ACACA: variants seen among roughly 807,000 people sequenced by gnomAD.
ACACA encodes the protein acetyl-CoA carboxylase alpha.
In ACACA, 103 loss-of-function variants were observed where a neutral mutation model predicts 296.1. The ratio of observed to expected loss-of-function variants is 0.35; its 90% CI spans 0.30 to 0.41. ACACA has a LOEUF of 0.41. Ranked by LOEUF, ACACA falls within the 10% of genes least tolerant of loss-of-function variation. The probability of loss-of-function intolerance (pLI) is 1.00; values close to 1 mark genes in which losing one functional copy is unlikely to be tolerated. For synonymous variants in ACACA, 953 were observed against 1,038.6 expected (o/e 0.92, Z 1.58); for missense variants, 1,554 against 2,989.7 (o/e 0.52, Z 11.20).
chr17:37,263,823 C>T lies in ACACA; in HGVS notation c.1191G>A (p.Val397=). The T allele has an allele frequency of 6.2e-7, 1 of 1,613,984 alleles. No homozygotes were observed. Among genetic ancestry groups the T allele is most frequent in the Non-Finnish European group, 8.5e-7 (1 of 1,179,986 alleles). ...TGCCATATTGGTCCGCTAAGATCTG[C>T]ACCTCCAGATGACGAGATTGTTTGG... ...RLAKQSRHLE[V]QILADQYGNA... The change falls in exon 11 of 56, where the codon GTG becomes GTA. Residue 397 remains valine, a synonymous_variant. Coordinates refer to ENST00000616317, the MANE Select transcript of ACACA (RefSeq NM_198834.3).
intron 35 of ACACA, among the ~76,000 whole-genome samples, chr17:37,194,674 CTGT>C (rs1351236452): frequency 6.6e-6 from 1 of 152,088 alleles, no homozygotes; most frequent in African/African-American, 2.4e-5. Flanking sequence ...TGCTGTAAAC[CTGT>C]GGTTCTTGAA....
chr17:37,337,280 G>A (rs2048163341), intron 2 of ACACA, among the ~76,000 whole-genome samples: 1 of 151,982 alleles, frequency 6.6e-6, no homozygotes, highest in Non-Finnish European at 1.5e-5. Context: ...GCTGCATGTG[G>A]TGGCATGCAC....
At chr17:37,152,146 G>T (rs976200044) in intron 43 of ACACA, among the ~76,000 whole-genome samples, 1 of 152,146 alleles carries the variant, frequency 6.6e-6, no homozygotes, top group Non-Finnish European at 1.5e-5. Flanking sequence ...TGTGACTCTA[G>T]AAATAATAAT....
chr17:37,087,490 G>A (rs1367138475), intron 55 of ACACA, 51 bp from the exon 56 acceptor site: 1 of 1,611,198 alleles, frequency 6.2e-7, no homozygotes, highest in African/African-American at 1.3e-5. Context: ...GAAGTGTCTA[G>A]ATGAGGACAG....
intron 25 of ACACA, among the ~76,000 whole-genome samples, chr17:37,232,364 G>T (rs1168318878): frequency 6.6e-6 from 1 of 152,184 alleles, no homozygotes; most frequent in East Asian, 1.9e-4. Context: ...GAGAACACAA[G>T]CTGGGGGAGT....
intron 5 of ACACA, 57 bp from the exon 6 acceptor site, chr17:37,278,062 T>C: frequency 7.6e-7 from 1 of 1,314,892 alleles, no homozygotes. Context: ...AGAAATATAA[T>C]TGCACAGCAA....
intron 37 of ACACA, among the ~76,000 whole-genome samples, 187 bp downstream of exon 37, chr17:37,191,903 C>G (rs1598125285): frequency 6.7e-6 from 1 of 149,100 alleles, no homozygotes; most frequent in Non-Finnish European, 1.5e-5. Flanking sequence ...AAAAAAAAAG[C>G]CTTTATTATA....
intron 30 of ACACA, among the ~76,000 whole-genome samples, chr17:37,209,559 A>C (rs956200788): frequency 6.6e-6 from 1 of 152,206 alleles, no homozygotes; most frequent in African/African-American, 2.4e-5. Context: ...CCACTCACCA[A>C]GGGAAGACTA....
At chr17:37,365,512 A>T (rs887920188) in intron 1 of ACACA, 1 of 985,384 alleles carries the variant, frequency 1.0e-6, no homozygotes, top group African/African-American at 1.7e-5. Flanking sequence ...CAAAGCCTCC[A>T]GTGGGATATA....
chr17:37,363,245 C>G (rs1292535235), intron 1 of ACACA, among the ~76,000 whole-genome samples: 1 of 136,246 alleles, frequency 7.3e-6, no homozygotes, highest in Non-Finnish European at 1.5e-5. Flanking sequence ...TGCAGTGGCA[C>G]GATCTCGGCT....
At chr17:37,190,314 T>C (rs1034019393) in intron 38 of ACACA, among the ~76,000 whole-genome samples, 2 of 151,814 alleles carry the variant, frequency 1.3e-5, no homozygotes, top group African/African-American at 2.4e-5. Flanking sequence ...CTATAGTCCC[T>C]GCTACTCGGG....
At chr17:37,349,128 G>A (rs939383841) in intron 1 of ACACA, among the ~76,000 whole-genome samples, 43 of 149,310 alleles carry the variant, frequency 2.9e-4, no homozygotes, top group African/African-American at 3.7e-4. Flanking sequence ...TGGCGTGATC[G>A]CCGCTCACTG....
chr17:37,351,792 A>G (rs2048913448), intron 1 of ACACA, among the ~76,000 whole-genome samples: 1 of 152,150 alleles, frequency 6.6e-6, no homozygotes, highest in Admixed American at 6.5e-5. Flanking sequence ...GCCTCAAGCA[A>G]TCCTCCCATC....
chr17:37,087,567 A>G (rs2072293934), intron 55 of ACACA, 128 bp from the exon 56 acceptor site: 1 of 1,145,552 alleles, frequency 8.7e-7, no homozygotes, highest in Non-Finnish European at 1.3e-6. Context: ...GCCTCACCTT[A>G]TTTGTTTCCC....
intron 54 of ACACA, among the ~76,000 whole-genome samples, chr17:37,094,660 C>G (rs2072876380): frequency 6.7e-6 from 1 of 149,506 alleles, no homozygotes; most frequent in Non-Finnish European, 1.5e-5. Flanking sequence ...GCAACCCTTT[C>G]TTCTCTCAAG....
chr17:37,343,763 CAAA>C (rs1161272864), intron 1 of ACACA, among the ~76,000 whole-genome samples: 8 of 67,088 alleles, frequency 1.2e-4, no homozygotes, highest in Non-Finnish European at 1.6e-4. Flanking sequence ...GACTCTGTCT[CAAA>C]AAAAAAAAAA....
At chr17:37,094,490 G>C in intron 54 of ACACA, among the ~76,000 whole-genome samples, 1 of 151,826 alleles carries the variant, frequency 6.6e-6, no homozygotes, top group South Asian at 2.1e-4. Context: ...GTCACTTCCT[G>C]GTGCAAAGCC....
At chr17:37,169,584 C>A (rs1249599051) in intron 41 of ACACA, among the ~76,000 whole-genome samples, 2 of 152,130 alleles carry the variant, frequency 1.3e-5, no homozygotes, top group East Asian at 3.9e-4. Flanking sequence ...AAATTACTTT[C>A]TATAGATGGG....
chr17:37,143,438 T>C (rs1169028811), intron 45 of ACACA, among the ~76,000 whole-genome samples: 1 of 152,160 alleles, frequency 6.6e-6, no homozygotes, highest in African/African-American at 2.4e-5. Flanking sequence ...TTAAAATTTT[T>C]ATGCCAATTT....
Sources: gnomAD v4.1 joint callset for allele counts (sites outside exome capture counted in the v4.1 genomes callset) on GRCh38, gnomAD v4.1.1 for gene constraint, MANE v1.5 for transcripts, NCBI Gene and HGNC (gene_info 2026-07-23, HGNC 2026-07-21) for gene names.